COL18A1: variants seen among roughly 807,000 people sequenced by gnomAD.
The protein encoded by COL18A1 is collagen type XVIII alpha 1 chain.
Under a neutral mutation model 168.0 loss-of-function variants are expected in COL18A1, and 133 were observed. The observed-to-expected ratio is 0.79, with a 90% CI of 0.69 to 0.91. The LOEUF (loss-of-function observed/expected upper bound fraction) is 0.91, where lower values mean the gene tolerates loss of function less well. Ranked by LOEUF, COL18A1 falls within the 40% of genes least tolerant of loss-of-function variation. COL18A1 has a pLI of 0.00. For missense variants in COL18A1, 2,126 were observed against 1,925.4 expected, an observed-to-expected ratio of 1.10 and a Z score of -1.95; for synonymous variants, 949 against 809.0, an observed-to-expected ratio of 1.17 and a Z score of -2.94.
chr21:45,428,622 C>T (rs2033871619), intron 2 of COL18A1, among the ~76,000 whole-genome samples: 1 of 152,210 alleles, frequency 6.6e-6, no homozygotes, highest in Non-Finnish European at 1.5e-5. Context: ...GGCCATCACG[C>T]AGCCACCGCC....
At chr21:45,491,387 C>T (rs1224474763) in intron 22 of COL18A1, 73 bp downstream of exon 22, 1 of 744,830 alleles carries the variant, frequency 1.3e-6, no homozygotes, top group East Asian at 2.7e-5. Context: ...CTCCCCGAGC[C>T]CCCCCCACAC....
intron 2 of COL18A1, among the ~76,000 whole-genome samples, chr21:45,440,505 C>T (rs1434859978): frequency 2.0e-5 from 3 of 151,430 alleles, no homozygotes; most frequent in Admixed American, 6.6e-5. Flanking sequence ...GAGCCACGTT[C>T]CCCGGAAGCA....
Position 45,477,825 on chromosome 21 carries a change from T to G in COL18A1, c.1081T>G (p.Cys361Gly). 1 of 1,552,572 alleles carries G rather than the reference T, an allele frequency of 6.4e-7. No homozygotes were observed. The highest frequency in any genetic ancestry group is 1.7e-4 in the Middle Eastern group (1 of 5,972). Reference sequence around the variant, plus strand: ...CCGGGCAGGCCCCCCAGGATCCCCATGCCTACCTGGTCCCCCGGGTCTCCC... The same window carrying G: ...CCGGGCAGGCCCCCCAGGATCCCCAGGCCTACCTGGTCCCCCGGGTCTCCC... ...PGRAGPPGSP[C>G]LPGPPGLPCP... The change falls in exon 8 of 42, where the codon TGC becomes GGC. Residue 361 changes from cysteine to glycine, a missense_variant. Cys to Gly is a radical substitution (Grantham distance 159). Coordinates refer to ENST00000651438, the MANE Select transcript of COL18A1 (RefSeq NM_001379500.1).
chr21:45,510,946 C>CACACACAT (rs1555876664), intron 40 of COL18A1, among the ~76,000 whole-genome samples, 165 bp from the exon 41 acceptor site: 1 of 57,382 alleles, frequency 1.7e-5, no homozygotes, highest in Non-Finnish European at 3.1e-5. Flanking sequence ...AAAACACACA[C>CACACACAT]CCACAACACC....
intron 2 of COL18A1, among the ~76,000 whole-genome samples, chr21:45,431,727 G>T (rs567889203): frequency 2.6e-5 from 4 of 152,220 alleles, no homozygotes; most frequent in African/African-American, 9.6e-5. Flanking sequence ...GGCTCTCTGC[G>T]GCTCTCGGTG....
At position 45,493,404 on chromosome 21, in the gene COL18A1, C is replaced by A. The variant is rs1029963707; in HGVS notation, c.2278-97C>A. 5.3e-6 allele frequency: 7 copies of A among 1,319,100 alleles called. No individual in the cohort carries two copies. The African/African-American group carries it at 5.8e-5, about 11-fold the overall frequency. 81.7% of individuals were successfully genotyped at this position (1,319,100 alleles called of 1,614,324 possible). On this transcript the variant is annotated intron_variant, in intron 25 of 41. Coordinates refer to ENST00000651438, the MANE Select transcript of COL18A1 (RefSeq NM_001379500.1). The stretch of plus-strand genomic sequence containing the variant: ...ACCTCCCGTGAAAGGACCCAGCCTG[C>A]GAGGCCCAGTCACAGCGGCCCTGCC...
rs148073860 is a variant in COL18A1, at chr21:45,430,351, G to A, written c.106+24878G>A. On this transcript the variant is annotated intron_variant, in intron 2 of 41. Coordinates refer to ENST00000651438, the MANE Select transcript of COL18A1 (RefSeq NM_001379500.1). The stretch of plus-strand genomic sequence containing the variant: ...TCTGAATAGGTCGAAGCACCTCCCC[G>A]GTGCCTCTCACCCTGAATGCTCTGG... 3.9e-5 allele frequency among the ~76,000 whole-genome samples: 6 copies of A among 152,326 alleles called. No homozygotes were observed. In the East Asian group the frequency reaches 7.7e-4, roughly 20 times the overall value.
In COL18A1 at chr21:45,478,353, G is replaced by A. The variant is rs185296216; in HGVS notation, c.1248G>A (p.Pro416=). 5.9e-5 allele frequency: 96 copies of A among 1,614,180 alleles called. 1 individual carries two copies. The highest frequency in any genetic ancestry group is 4.9e-4 in the Middle Eastern group (3 of 6,062). Residue 416 remains proline, a splice_region_variant and synonymous_variant, in exon 9 of 42, where the codon CCG becomes CCA. Coordinates refer to ENST00000651438, the MANE Select transcript of COL18A1 (RefSeq NM_001379500.1). ...GCGACCCCGGTGAAGACGGAAAGCC[G>A]GTGAGTCTGCTTTTCTTTCTGACCC... ...EPGDPGEDGK[P]GDTGPQGFPG...
intron 2 of COL18A1, among the ~76,000 whole-genome samples, chr21:45,416,449 T>C (rs1328650634): frequency 6.6e-6 from 1 of 151,562 alleles, no homozygotes; most frequent in Non-Finnish European, 1.5e-5. Context: ...GGTGTGGGGG[T>C]GGCCGGGGCA....
chr21:45,447,706 G>A (rs1420707460), intron 2 of COL18A1, among the ~76,000 whole-genome samples: 1 of 152,098 alleles, frequency 6.6e-6, no homozygotes, highest in Non-Finnish European at 1.5e-5. Context: ...GAACAAAATC[G>A]GGGGACCTCT....
chr21:45,508,144 A>G (rs1368038795), intron 38 of COL18A1, among the ~76,000 whole-genome samples: 7 of 127,362 alleles, frequency 5.5e-5, no homozygotes, highest in Middle Eastern at 6.6e-3. Flanking sequence ...GGTGGATGGA[A>G]AGGTGGGTGA....
chr21:45,489,980 CTCCCCCACTTCCCCG>C (rs1174393152), intron 19 of COL18A1, among the ~76,000 whole-genome samples: 1 of 24,384 alleles, frequency 4.1e-5, no homozygotes, highest in East Asian at 1.2e-3. Flanking sequence ...CCCCCACACC[CTCCCCCACTTCCCCG>C]TCCCCCACAC....
chr21:45,431,552 G>A (rs561044709), intron 2 of COL18A1, among the ~76,000 whole-genome samples: 1 of 147,250 alleles, frequency 6.8e-6, no homozygotes, highest in Non-Finnish European at 1.5e-5. Context: ...GCCCAGGGGA[G>A]GGGGGCAGGC....
chr21:45,502,117 A>G (rs1172195111), intron 32 of COL18A1, among the ~76,000 whole-genome samples: 1 of 152,062 alleles, frequency 6.6e-6, no homozygotes, highest in African/African-American at 2.4e-5. Context: ...CTGCAGAAGG[A>G]CCCGGAGCAG....
chr21:45,509,417 C>G lies in COL18A1; in HGVS notation c.3311C>G (p.Pro1104Arg), dbSNP rs187670025. ...CAGCTGCACGACAGCAACCCCTACC[C>G]GCGGCGGGAGCACCCCCACCCCACC... ...VVQLHDSNPY[P>R]RREHPHPTAR... Residue 1104 changes from proline to arginine, a missense_variant, in exon 39 of 42, where the codon CCG becomes CGG. Pro to Arg is a moderately radical substitution (Grantham distance 103). Coordinates refer to ENST00000651438, the MANE Select transcript of COL18A1 (RefSeq NM_001379500.1). 0.014 allele frequency: 21,368 copies of G among 1,539,094 alleles called. 195 individuals are homozygous for G. Among genetic ancestry groups the G allele is most frequent in the Non-Finnish European group, 0.016 (18,293 of 1,143,496 alleles).
chr21:45,485,153 T>TTTTTTTTA, intron 15 of COL18A1, among the ~76,000 whole-genome samples: 1 of 129,474 alleles, frequency 7.7e-6, no homozygotes, highest in Non-Finnish European at 1.7e-5. Flanking sequence ...TGGCTAATTT[T>TTTTTTTTA]TTTTTTTTTT....
At chr21:45,416,724 T>C (rs2033458604) in intron 2 of COL18A1, among the ~76,000 whole-genome samples, 1 of 152,188 alleles carries the variant, frequency 6.6e-6, no homozygotes, top group Non-Finnish European at 1.5e-5. Context: ...CAGTTTCTAG[T>C]TGAACTCCAG....
At chr21:45,460,173 C>T (rs993007755) in intron 2 of COL18A1, among the ~76,000 whole-genome samples, 1 of 152,230 alleles carries the variant, frequency 6.6e-6, no homozygotes, top group South Asian at 2.1e-4. Flanking sequence ...TCTTCAGCAT[C>T]GCAGCAGATG....
chr21:45,472,895 C>A lies in COL18A1; in HGVS notation c.652-1000C>A, dbSNP rs73907506. Among the ~76,000 whole-genome samples, 676 of 152,318 alleles carry A rather than the reference C, an allele frequency of 4.4e-3. 9 individuals are homozygous for A. The highest frequency in any genetic ancestry group is 0.016 in the African/African-American group (654 of 41,572). On this transcript the variant is annotated intron_variant, in intron 3 of 41. Transcript: ENST00000651438. ...GATGCATGCTCTCACGCACATGTGC[C>A]CACACACTCAGCACTCACACCCCGT...
Sources: gnomAD v4.1 joint callset for allele counts (sites outside exome capture counted in the v4.1 genomes callset) on GRCh38, gnomAD v4.1.1 for gene constraint, MANE v1.5 for transcripts, NCBI Gene and HGNC (gene_info 2026-07-23, HGNC 2026-07-21) for gene names.